Variants in MORC1 observed in about 807,000 individuals in gnomAD.
MORC1 encodes the protein MORC family CW-type zinc finger 1, also known as MORC family CW-type zinc finger protein 1.
Under a neutral mutation model 134.9 loss-of-function variants are expected in MORC1, and 59 were observed. That is an observed-to-expected ratio of 0.44 (90% CI 0.35 to 0.54). The LOEUF (loss-of-function observed/expected upper bound fraction) is 0.54. Ranked by LOEUF, MORC1 falls within the 20% of genes least tolerant of loss-of-function variation. The pLI, the probability that MORC1 is intolerant of heterozygous loss-of-function variation, is 0.00. For missense variants in MORC1, 947 were observed against 1,134.5 expected (o/e 0.83, Z 2.37); for synonymous variants, 395 against 391.7 (o/e 1.01, Z -0.10).
chr3:109,116,867 G>A (rs1048198144), intron 1 of MORC1, among the ~76,000 whole-genome samples: 1 of 152,134 alleles, frequency 6.6e-6, no homozygotes, highest in African/African-American at 2.4e-5. Context: ...ACTGTCACTT[G>A]TTAAGTTACT....
intron 25 of MORC1, among the ~76,000 whole-genome samples, chr3:108,970,245 A>AC (rs1341616882): frequency 2.0e-5 from 3 of 152,140 alleles, no homozygotes; most frequent in African/African-American, 7.2e-5. Flanking sequence ...AGGAGCTGCC[A>AC]CAAAGAAGAT....
chr3:109,005,279 C>T lies in MORC1; in HGVS notation c.1804G>A (p.Asp602Asn), dbSNP rs114998618. The T allele has an allele frequency of 3.7e-6, 6 of 1,605,088 alleles. No homozygotes were observed. Among genetic ancestry groups the T allele is most frequent in the South Asian group, 3.4e-5 (3 of 88,302 alleles). ...GAAAGAGATTCATGCTTCAAGTCAT[C>T]GCCCAAAAGCCTGATTTTCTGGGTT... ...TKTQKIRLLGDDLKHESLSSF... is the reference protein window; with the variant it reads ...TKTQKIRLLGNDLKHESLSSF... Residue 602 changes from aspartate to asparagine, a missense_variant, in exon 19 of 28, where the codon GAT becomes AAT. Transcript: ENST00000232603.
At chr3:108,962,531 G>A (rs191675519) in intron 27 of MORC1, among the ~76,000 whole-genome samples, 1 of 152,156 alleles carries the variant, frequency 6.6e-6, no homozygotes, top group Admixed American at 6.5e-5. Context: ...CTCCATAAGG[G>A]TCTCAGTTCT....
chr3:109,012,986 T>C (rs1210951310), intron 17 of MORC1, among the ~76,000 whole-genome samples: 1 of 152,216 alleles, frequency 6.6e-6, no homozygotes, highest in African/African-American at 2.4e-5. Context: ...TTCCTGACCT[T>C]AGTGGGAGAA....
At chr3:109,110,844 A>AT in intron 2 of MORC1, 61 bp from the exon 3 acceptor site, 9 of 1,268,630 alleles carry the variant, frequency 7.1e-6, no homozygotes, top group South Asian at 1.4e-5. Context: ...CATAAGGTAT[A>AT]ACCTATTGTC....
At chr3:108,996,561 CT>C (rs2107507605) in intron 21 of MORC1, among the ~76,000 whole-genome samples, 1 of 152,220 alleles carries the variant, frequency 6.6e-6, no homozygotes, top group Admixed American at 6.5e-5. Flanking sequence ...GTTTTTTAAT[CT>C]CCAGAAAATG....
chr3:108,994,067 C>T (rs1000719997), intron 21 of MORC1, among the ~76,000 whole-genome samples: 29 of 152,064 alleles, frequency 1.9e-4, no homozygotes, highest in African/African-American at 7.0e-4. Context: ...TTGAAAGCTT[C>T]CCCAAAGAGC....
intron 25 of MORC1, among the ~76,000 whole-genome samples, chr3:108,970,617 T>C (rs1947350920): frequency 1.3e-5 from 2 of 152,194 alleles, no homozygotes; most frequent in African/African-American, 4.8e-5. Context: ...TTTTCACCAA[T>C]ACCAAGTGTA....
At chr3:109,111,893 T>G (rs1000189598) in intron 2 of MORC1, among the ~76,000 whole-genome samples, 6 of 152,182 alleles carry the variant, frequency 3.9e-5, no homozygotes, top group African/African-American at 1.4e-4. Context: ...TTCTCAGCCC[T>G]CCCTATATAG....
At chr3:108,998,732 A>G (rs773289772) in intron 21 of MORC1, among the ~76,000 whole-genome samples, 2 of 152,196 alleles carry the variant, frequency 1.3e-5, no homozygotes, top group Non-Finnish European at 2.9e-5. Context: ...AGCCAAACAG[A>G]AATTAATGTG....
chr3:108,961,973 C>A (rs867134199), intron 27 of MORC1, among the ~76,000 whole-genome samples: 4 of 152,068 alleles, frequency 2.6e-5, no homozygotes, highest in Non-Finnish European at 4.4e-5. Flanking sequence ...AAACAATAAT[C>A]GTCACTGAAA....
chr3:108,983,325 T>A (rs35509171), intron 23 of MORC1, among the ~76,000 whole-genome samples: 1 of 152,152 alleles, frequency 6.6e-6, no homozygotes, highest in Non-Finnish European at 1.5e-5. Flanking sequence ...CCTACTCTCA[T>A]GGAGTGCATT....
chr3:109,023,289 G>T (rs751373290), intron 17 of MORC1, among the ~76,000 whole-genome samples: 1 of 152,196 alleles, frequency 6.6e-6, no homozygotes, highest in Non-Finnish European at 1.5e-5. Context: ...TGAAAGAAAC[G>T]AATGCTATTA....
intron 8 of MORC1, among the ~76,000 whole-genome samples, chr3:109,071,697 T>C (rs1036813164): frequency 6.6e-6 from 1 of 152,196 alleles, no homozygotes; most frequent in Non-Finnish European, 1.5e-5. Context: ...GTGTGTGATG[T>C]TTCCATCTAG....
chr3:108,982,969 G>A (rs1239560130), intron 23 of MORC1, among the ~76,000 whole-genome samples: 1 of 148,534 alleles, frequency 6.7e-6, no homozygotes. Context: ...AAAAAAGATT[G>A]TTTTTCGTGG....
At chr3:108,976,267 TGGAG>T (rs1474300358) in intron 24 of MORC1, among the ~76,000 whole-genome samples, 2 of 152,138 alleles carry the variant, frequency 1.3e-5, no homozygotes, top group African/African-American at 4.8e-5. Context: ...GTGACCCAAA[TGGAG>T]GGAACACCCT....
rs944783828 is a variant in MORC1, at chr3:109,059,710, T to G, written c.1031+96A>C. On this transcript the variant is annotated intron_variant, in intron 12 of 27. Coordinates refer to ENST00000232603, the MANE Select transcript of MORC1 (RefSeq NM_014429.4). ...TAAGATGTCACAAGCTGAAAAAAAATTGTCACAATAACCACTAAATCTGCC... is the reference window on the plus strand; with the variant it reads ...TAAGATGTCACAAGCTGAAAAAAAAGTGTCACAATAACCACTAAATCTGCC... 4 of 987,568 alleles carry G rather than the reference T, an allele frequency of 4.1e-6. No individual in the cohort carries two copies. In the African/African-American group the frequency reaches 6.7e-5, roughly 16 times the overall value. 61.2% of individuals were successfully genotyped at this position (987,568 alleles called of 1,614,324 possible).
chr3:108,970,575 T>A (rs941337183), intron 25 of MORC1, among the ~76,000 whole-genome samples: 4 of 152,230 alleles, frequency 2.6e-5, no homozygotes, highest in African/African-American at 9.6e-5. Flanking sequence ...CAGACTCATA[T>A]AGTCCCTCTG....
At chr3:109,041,065 A>T (rs911731657) in intron 14 of MORC1, among the ~76,000 whole-genome samples, 2 of 152,004 alleles carry the variant, frequency 1.3e-5, no homozygotes, top group African/African-American at 4.8e-5. Context: ...TAATCCCAGC[A>T]CTTTGGGAGG....
Sources: gnomAD v4.1 joint callset for allele counts (sites outside exome capture counted in the v4.1 genomes callset) on GRCh38, gnomAD v4.1.1 for gene constraint, MANE v1.5 for transcripts, NCBI Gene and HGNC (gene_info 2026-07-23, HGNC 2026-07-21) for gene names.